HADH: variants seen among roughly 807,000 people sequenced by gnomAD.
HADH encodes the protein hydroxyacyl-coenzyme A dehydrogenase, mitochondrial.
A neutral mutation model predicts 32.2 loss-of-function variants in HADH; 24 were observed. The observed-to-expected ratio is 0.75, with a 90% CI of 0.54 to 1.05. The LOEUF (loss-of-function observed/expected upper bound fraction) is 1.05, where lower values mean the gene tolerates loss of function less well. Among genes scored for constraint, HADH ranks in the 50% least tolerant of loss-of-function variants. HADH has a pLI of 0.00. For synonymous variants in HADH, 139 were observed against 152.5 expected (o/e 0.91, Z 0.65); for missense variants, 350 against 397.1 (o/e 0.88, Z 1.01).
At chr4:108,013,980 G>T (rs1241476385) in intron 2 of HADH, among the ~76,000 whole-genome samples, 1 of 152,106 alleles carries the variant, frequency 6.6e-6, no homozygotes, top group Admixed American at 6.5e-5. Flanking sequence ...GCGGCTTATA[G>T]AGGCACCATC....
At position 107,989,911 on chromosome 4, in the gene HADH, C is replaced by T. The variant is rs749548991; in HGVS notation, c.-22C>T. The T allele has an allele frequency of 1.2e-6, 2 of 1,608,806 alleles. No individual in the cohort carries two copies. The highest frequency in any genetic ancestry group is 2.2e-5 in the East Asian group (1 of 44,678). ...CGTCTTCCCTGCCCGGGTCTCCTCG[C>T]TGTCGCCGCCGCTGCCACACCATGG... On this transcript the variant is annotated 5_prime_UTR_variant, in exon 1 of 8. Transcript: ENST00000309522.
chr4:108,012,500 G>A (rs1735532905), intron 2 of HADH, among the ~76,000 whole-genome samples: 1 of 152,158 alleles, frequency 6.6e-6, no homozygotes. Flanking sequence ...TTACTGCTGT[G>A]TCCGGTTTCT....
intron 1 of HADH, among the ~76,000 whole-genome samples, chr4:107,991,895 G>A (rs1386955458): frequency 2.0e-5 from 3 of 152,204 alleles, no homozygotes; most frequent in Admixed American, 1.3e-4. Flanking sequence ...GAAACTTGTG[G>A]CTGGTGTCCT....
intron 1 of HADH, 43 bp downstream of exon 1, chr4:107,990,107 C>A: frequency 6.4e-7 from 1 of 1,574,028 alleles, no homozygotes; most frequent in South Asian, 1.2e-5. Flanking sequence ...CTTGGCCGCC[C>A]ACCCTGAGGT....
chr4:108,027,467 A>G (rs370870895), intron 5 of HADH: 11 of 606,266 alleles, frequency 1.8e-5, no homozygotes, highest in African/African-American at 5.5e-5. Flanking sequence ...GGATCTGTGC[A>G]GTGGGGCATC....
At chr4:108,009,982 T>C in intron 2 of HADH, 95 bp downstream of exon 2, 13 of 898,230 alleles carry the variant, frequency 1.4e-5, no homozygotes, top group Non-Finnish European at 1.8e-5. Context: ...TCTTTCTTTT[T>C]TTTTTTTTTT....
At chr4:108,027,558 T>C in intron 5 of HADH, 130 bp from the exon 6 acceptor site, 2 of 739,498 alleles carry the variant, frequency 2.7e-6, no homozygotes, top group South Asian at 2.8e-5. Flanking sequence ...GCTGCAAATT[T>C]TGAAAATGTA....
chr4:107,991,821 C>T (rs1734822378), intron 1 of HADH, among the ~76,000 whole-genome samples: 1 of 152,180 alleles, frequency 6.6e-6, no homozygotes, highest in Non-Finnish European at 1.5e-5. Flanking sequence ...ATTTTAACAA[C>T]ATCTTAGTAA....
intron 1 of HADH, among the ~76,000 whole-genome samples, chr4:108,000,790 C>A (rs1735098955): frequency 6.6e-6 from 1 of 152,188 alleles, no homozygotes; most frequent in Non-Finnish European, 1.5e-5. Flanking sequence ...GGCACAGAGC[C>A]ATGAGATAGC....
At chr4:107,996,749 C>T (rs908670380) in intron 1 of HADH, among the ~76,000 whole-genome samples, 1 of 152,114 alleles carries the variant, frequency 6.6e-6, no homozygotes, top group Non-Finnish European at 1.5e-5. Context: ...CAAAAATTAG[C>T]TGAGCATGGT....
chr4:108,026,033 G>C (rs1308499103), intron 5 of HADH: 1 of 152,120 alleles, frequency 6.6e-6, no homozygotes, highest in Non-Finnish European at 1.5e-5. Context: ...TTACTAGTGA[G>C]TTTATTTATT....
rs190644458 is a variant in HADH at position 108,023,494 on chromosome 4, C to T, written c.567C>T (p.Thr189=). 1.4e-5 allele frequency: 22 copies of T among 1,610,954 alleles called. No individual in the cohort carries two copies. In the East Asian group the frequency reaches 4.2e-4, roughly 31 times the overall value. Residue 189 remains threonine, a synonymous_variant, in exon 5 of 8, where the codon ACC becomes ACT. Coordinates refer to ENST00000309522, the MANE Select transcript of HADH (RefSeq NM_005327.7). ...KLVEVIKTPM[T]SQKTFESLVD... The stretch of plus-strand genomic sequence containing the variant: ...TCCAGGTCATTAAAACACCAATGAC[C>T]AGCCAGAAGACATTTGAATCTTTGG...
chr4:108,034,243 G>A lies in HADH; in HGVS notation c.831G>A (p.Trp277Ter). ...LDTTKFIVDG[W>*]HEMDAENPLH... ...TCTCTTCCCTCCGCTCAATAGGGTG[G>A]CATGAAATGGATGCAGAGAACCCAT... is the stretch of plus-strand genomic sequence containing the variant. The change falls in exon 8 of 8, where the codon TGG becomes TGA. Residue 277 changes from tryptophan (W) to a stop codon, truncating the protein, a stop_gained. Coordinates refer to ENST00000309522, the MANE Select transcript of HADH (RefSeq NM_005327.7). LOFTEE classifies it high-confidence loss of function. 6.3e-7 allele frequency: 1 copy of A among 1,589,036 alleles called. No homozygotes were observed. Among genetic ancestry groups the A allele is most frequent in the African/African-American group, 1.3e-5 (1 of 74,518 alleles).
At chr4:108,015,387 C>T (rs935535049) in intron 3 of HADH, among the ~76,000 whole-genome samples, 2 of 152,210 alleles carry the variant, frequency 1.3e-5, no homozygotes, top group Non-Finnish European at 2.9e-5. Flanking sequence ...ATTAGTGATG[C>T]TGAGCATTTT....
intron 1 of HADH, among the ~76,000 whole-genome samples, chr4:108,004,262 G>A (rs1735215526): frequency 6.6e-6 from 1 of 152,230 alleles, no homozygotes; most frequent in Non-Finnish European, 1.5e-5. Flanking sequence ...TGCAGTCAGT[G>A]AAGGAATGAA....
At chr4:108,019,737 A>G in intron 4 of HADH, 71 bp downstream of exon 4, 1 of 1,578,618 alleles carries the variant, frequency 6.3e-7, no homozygotes, top group Non-Finnish European at 8.7e-7. Flanking sequence ...TCTGTGTTAC[A>G]CCAGCCCTGC....
At chr4:108,002,888 T>A (rs1735163871) in intron 1 of HADH, among the ~76,000 whole-genome samples, 1 of 152,142 alleles carries the variant, frequency 6.6e-6, no homozygotes, top group African/African-American at 2.4e-5. Context: ...CCAAGTGTAG[T>A]GAATAAAATA....
intron 1 of HADH, among the ~76,000 whole-genome samples, chr4:108,008,425 A>G (rs1180307756): frequency 2.6e-5 from 4 of 152,218 alleles, no homozygotes; most frequent in African/African-American, 7.2e-5. Context: ...TGCAGTTGAA[A>G]TAACCTTGCA....
intron 5 of HADH, chr4:108,027,278 GTGTTTTC>G (rs1242653982): frequency 8.9e-6 from 3 of 338,046 alleles, no homozygotes; most frequent in African/African-American, 6.4e-5. Flanking sequence ...AGCATTTTAT[GTGTTTTC>G]TGATTTATCT....
Sources: gnomAD v4.1 joint callset for allele counts (sites outside exome capture counted in the v4.1 genomes callset) on GRCh38, gnomAD v4.1.1 for gene constraint, MANE v1.5 for transcripts, NCBI Gene and HGNC (gene_info 2026-07-23, HGNC 2026-07-21) for gene names.